The following TTC28 variants were observed in gnomAD, a reference collection of about 807,000 sequenced individuals.
TTC28 encodes the protein tetratricopeptide repeat domain 28.
TTC28 carries 61 observed loss-of-function variants against 198.0 expected under a neutral mutation model. That is an observed-to-expected ratio of 0.31 (90% confidence interval 0.25 to 0.38). The LOEUF (loss-of-function observed/expected upper bound fraction) is 0.38. Among genes scored for constraint, TTC28 ranks in the 10% least tolerant of loss-of-function variants. The probability of loss-of-function intolerance (pLI) is 1.00; values close to 1 mark genes in which losing one functional copy is unlikely to be tolerated. For synonymous variants in TTC28, 1,171 were observed against 1,297.8 expected (o/e 0.90, Z 2.10); for missense variants, 2,678 against 3,164.0 (o/e 0.85, Z 3.69).
intron 2 of TTC28, among the ~76,000 whole-genome samples, chr22:28,609,814 G>A (rs556837341): frequency 3.3e-5 from 5 of 152,174 alleles, no homozygotes; most frequent in Non-Finnish European, 7.4e-5. Context: ...CCCACACGGA[G>A]CCCAGCAAGT....
At position 28,107,262 on chromosome 22, in the gene TTC28, C is replaced by T; in HGVS notation, c.2583G>A (p.Leu861=). Reference sequence around the variant, plus strand: ...TTCCACTTAGCTGCTGCAGCATGGCCAATTGCTGCTCAAAGTAGCCAATGG... The same window carrying T: ...TTCCACTTAGCTGCTGCAGCATGGCTAATTGCTGCTCAAAGTAGCCAATGG... ...EEAIGYFEQQ[L]AMLQQLSGNE... The change falls in exon 7 of 23, where the codon TTG becomes TTA. Residue 861 remains leucine, a synonymous_variant. Transcript: ENST00000397906. 1.3e-6 allele frequency: 2 copies of T among 1,551,788 alleles called. No individual in the cohort carries two copies. Among genetic ancestry groups the T allele is most frequent in the South Asian group, 1.2e-5 (1 of 84,058 alleles).
At chr22:28,041,920 G>T (rs1291292313) in intron 12 of TTC28, among the ~76,000 whole-genome samples, 3 of 150,882 alleles carry the variant, frequency 2.0e-5, no homozygotes, top group Non-Finnish European at 4.4e-5. Context: ...GTGGGCAAAA[G>T]ATATGAACAG....
At chr22:28,236,853 G>A (rs1929285263) in intron 5 of TTC28, among the ~76,000 whole-genome samples, 1 of 152,156 alleles carries the variant, frequency 6.6e-6, no homozygotes, top group Non-Finnish European at 1.5e-5. Flanking sequence ...TTAAGAAATA[G>A]AGGGAATGGA....
chr22:28,055,940 G>C (rs1254620708), intron 12 of TTC28, among the ~76,000 whole-genome samples: 1 of 151,912 alleles, frequency 6.6e-6, no homozygotes, highest in Non-Finnish European at 1.5e-5. Flanking sequence ...CTGTATATAG[G>C]TATTTTAATC....
In TTC28 at chr22:28,233,946, G is replaced by A. The variant is rs554875279; in HGVS notation, c.933+62252C>T. ...TTTTTTGAGACAGAGTCTTGCTGTC[G>A]CCCAGGCTAGAGTGCAGCGGCACAA... On this transcript the variant is annotated intron_variant, in intron 5 of 22. Coordinates refer to ENST00000397906, the MANE Select transcript of TTC28 (RefSeq NM_001145418.2). Among the ~76,000 whole-genome samples, 43 of 147,146 alleles carry A rather than the reference G, an allele frequency of 2.9e-4. No homozygotes were observed. In the South Asian group the frequency reaches 7.3e-3, roughly 25 times the overall value.
chr22:28,474,293 G>A (rs1239534065), intron 2 of TTC28, among the ~76,000 whole-genome samples: 2 of 152,166 alleles, frequency 1.3e-5, no homozygotes, highest in Admixed American at 1.3e-4. Context: ...AAGGAAAGCT[G>A]AGAAGCAAAC....
chr22:28,036,642 A>G (rs1282832855), intron 12 of TTC28, among the ~76,000 whole-genome samples: 1 of 152,226 alleles, frequency 6.6e-6, no homozygotes, highest in Non-Finnish European at 1.5e-5. Flanking sequence ...TTCAAAAACT[A>G]GCAGAAGGCA....
intron 2 of TTC28, among the ~76,000 whole-genome samples, chr22:28,484,398 C>T (rs1349007003): frequency 6.6e-6 from 1 of 152,182 alleles, no homozygotes; most frequent in Non-Finnish European, 1.5e-5. Context: ...AGGCATGAGC[C>T]ACCGCACCCA....
chr22:28,553,984 T>C (rs995542062), intron 2 of TTC28, among the ~76,000 whole-genome samples: 13 of 152,076 alleles, frequency 8.5e-5, no homozygotes, highest in African/African-American at 2.9e-4. Flanking sequence ...CGTGTCTGTG[T>C]AGAAAGAAGT....
chr22:28,677,869 T>A (rs1358953548), intron 1 of TTC28, among the ~76,000 whole-genome samples: 1 of 150,650 alleles, frequency 6.6e-6, no homozygotes, highest in Non-Finnish European at 1.5e-5. Flanking sequence ...ATTCGGGAGG[T>A]GGAGGTTGCA....
intron 22 of TTC28, among the ~76,000 whole-genome samples, chr22:27,984,884 G>A (rs564473667): frequency 6.6e-6 from 1 of 152,192 alleles, no homozygotes; most frequent in Non-Finnish European, 1.5e-5. Flanking sequence ...GGCTGGGTGT[G>A]TCCCCAGGGC....
At chr22:28,326,096 G>T (rs750575525) in intron 2 of TTC28, among the ~76,000 whole-genome samples, 8 of 151,958 alleles carry the variant, frequency 5.3e-5, no homozygotes, top group Non-Finnish European at 1.2e-4. Flanking sequence ...TCCTTCAATG[G>T]GTGAATGGAT....
At chr22:28,303,971 C>G (rs2045080505) in intron 3 of TTC28, 2 of 152,036 alleles carry the variant, frequency 1.3e-5, no homozygotes. Flanking sequence ...CTGCACGAGG[C>G]TAAAATAAAC....
At chr22:28,351,949 C>G (rs1297894660) in intron 2 of TTC28, among the ~76,000 whole-genome samples, 1 of 152,154 alleles carries the variant, frequency 6.6e-6, no homozygotes, top group Non-Finnish European at 1.5e-5. Context: ...TTACCTCCCT[C>G]TTTGGATCAC....
intron 2 of TTC28, among the ~76,000 whole-genome samples, chr22:28,610,952 C>T (rs2050808452): frequency 6.6e-6 from 1 of 151,764 alleles, no homozygotes; most frequent in Non-Finnish European, 1.5e-5. Flanking sequence ...CTGAATCGAT[C>T]AAGCGGAAGA....
At chr22:28,031,735 C>T (rs117042722) in intron 12 of TTC28, among the ~76,000 whole-genome samples, 54 of 152,208 alleles carry the variant, frequency 3.5e-4, no homozygotes, top group Non-Finnish European at 6.9e-4. Flanking sequence ...TTTATGTCAA[C>T]GTGACTGGGC....
At chr22:28,323,713 A>T (rs1215665491) in intron 2 of TTC28, among the ~76,000 whole-genome samples, 1 of 152,208 alleles carries the variant, frequency 6.6e-6, no homozygotes, top group Non-Finnish European at 1.5e-5. Flanking sequence ...TCAAAGAGAA[A>T]ATAACAGAAT....
intron 12 of TTC28, among the ~76,000 whole-genome samples, chr22:28,037,760 T>C (rs1175810762): frequency 1.3e-5 from 2 of 152,216 alleles, no homozygotes; most frequent in Non-Finnish European, 2.9e-5. Context: ...ATTGTATATC[T>C]AGAAAACCCC....
At chr22:28,195,822 G>C (rs1025609921) in intron 5 of TTC28, among the ~76,000 whole-genome samples, 8 of 148,852 alleles carry the variant, frequency 5.4e-5, no homozygotes, top group African/African-American at 1.5e-4. Flanking sequence ...CCATGCTCCG[G>C]GATAGGAAGA....
Sources: allele counts gnomAD v4.1 joint callset (sites outside exome capture counted in the v4.1 genomes callset), GRCh38; gene constraint gnomAD v4.1.1; transcripts MANE v1.5; gene names NCBI Gene and HGNC (gene_info 2026-07-23, HGNC 2026-07-21).